The following CDK13 variants were observed in gnomAD, a reference collection of about 807,000 sequenced individuals.
CDK13 encodes cyclin dependent kinase 13.
A neutral mutation model predicts 137.6 loss-of-function variants in CDK13; 40 were observed. The ratio of observed to expected loss-of-function variants is 0.29; its 90% CI spans 0.23 to 0.38. The LOEUF (loss-of-function observed/expected upper bound fraction) is 0.38, where lower values mean the gene tolerates loss of function less well. CDK13 is among the 10% of genes least tolerant of loss of function. The pLI is 1.00. For synonymous variants in CDK13, 869 were observed against 760.1 expected, an observed-to-expected ratio of 1.14 and a Z score of -2.36; for missense variants, 1,704 against 1,951.8, an observed-to-expected ratio of 0.87 and a Z score of 2.39.
intron 1 of CDK13, among the ~76,000 whole-genome samples, chr7:39,959,001 G>A (rs974635765): frequency 2.6e-5 from 4 of 152,078 alleles, no homozygotes; most frequent in Non-Finnish European, 2.9e-5. Flanking sequence ...ATGTTGGCCA[G>A]GCTGATCTTG....
At chr7:39,987,110 C>G (rs780517162) in intron 1 of CDK13, 1 of 152,288 alleles carries the variant, frequency 6.6e-6, no homozygotes, top group African/African-American at 2.4e-5. Flanking sequence ...TTAAAACTAT[C>G]TTTCTGAAAC....
At chr7:39,983,244 C>G (rs1345236241) in intron 1 of CDK13, among the ~76,000 whole-genome samples, 1 of 152,112 alleles carries the variant, frequency 6.6e-6, no homozygotes, top group Non-Finnish European at 1.5e-5. Context: ...ATATGGCTAG[C>G]CAGTTTTCCC....
intron 9 of CDK13, among the ~76,000 whole-genome samples, chr7:40,076,255 AAAC>A (rs1400033431): frequency 3.3e-5 from 5 of 152,212 alleles, no homozygotes; most frequent in Non-Finnish European, 7.3e-5. Context: ...AGAGACCTGT[AAAC>A]AACTAAAATA....
At chr7:40,026,475 T>C (rs1453073995) in intron 5 of CDK13, among the ~76,000 whole-genome samples, 1 of 152,356 alleles carries the variant, frequency 6.6e-6, no homozygotes, top group East Asian at 1.9e-4. Context: ...ATTGCAGCAC[T>C]GCACTCCAGC....
chr7:40,074,395 T>C (rs1584073159), intron 9 of CDK13, among the ~76,000 whole-genome samples: 1 of 151,800 alleles, frequency 6.6e-6, no homozygotes, highest in Non-Finnish European at 1.5e-5. Context: ...TGGTGGCAGG[T>C]GCTTGTAGTC....
chr7:40,066,972 A>G (rs1170744070), intron 9 of CDK13: 1 of 151,922 alleles, frequency 6.6e-6, no homozygotes, highest in Non-Finnish European at 1.5e-5. Context: ...GTTAAACCCA[A>G]CCAGCCAACT....
At chr7:40,002,633 A>G (rs1784707000) in intron 5 of CDK13, among the ~76,000 whole-genome samples, 1 of 152,160 alleles carries the variant, frequency 6.6e-6, no homozygotes, top group Non-Finnish European at 1.5e-5. Flanking sequence ...AATCTTCATA[A>G]AATCTTAAAT....
At chr7:40,031,331 G>A (rs1163178692) in intron 5 of CDK13, among the ~76,000 whole-genome samples, 2 of 152,074 alleles carry the variant, frequency 1.3e-5, no homozygotes, top group East Asian at 1.9e-4. Flanking sequence ...AGACCAGCCC[G>A]GCCAACATGG....
Position 39,956,684 on chromosome 7 carries a change from C to T in CDK13, c.1211+4832C>T, listed in dbSNP as rs186805346. ...CTCACAGCAGCTTCGAACTCCTGGG[C>T]CCAGAGGATCCTCCTGCTTCAGCCT... On this transcript the variant is annotated intron_variant, in intron 1 of 13. Transcript: ENST00000181839. Among the ~76,000 whole-genome samples, 16 of 152,212 alleles carry T rather than the reference C, an allele frequency of 1.1e-4. No individual in the cohort carries two copies. The East Asian group carries it at 3.1e-3, about 29-fold the overall frequency.
At chr7:40,027,210 T>A (rs2150501552) in intron 5 of CDK13, among the ~76,000 whole-genome samples, 1 of 152,238 alleles carries the variant, frequency 6.6e-6, no homozygotes, top group African/African-American at 2.4e-5. Context: ...CTGGACGTGG[T>A]GGCGTGTGCC....
intron 3 of CDK13, 57 bp downstream of exon 3, chr7:39,997,721 A>C: frequency 7.6e-7 from 1 of 1,312,766 alleles, no homozygotes; most frequent in Non-Finnish European, 1.1e-6. Context: ...CTGGGTCATC[A>C]GAAGTTCATA....
chr7:40,008,640 T>C (rs534292087), intron 5 of CDK13, among the ~76,000 whole-genome samples: 48 of 152,336 alleles, frequency 3.2e-4, no homozygotes, highest in African/African-American at 1.0e-3. Context: ...CAGGGAGCTT[T>C]GCTAAGGAGT....
At chr7:40,024,645 GTTTT>G (rs58010602) in intron 5 of CDK13, among the ~76,000 whole-genome samples, 7,672 of 50,540 alleles carry the variant, frequency 0.15, 511 homozygotes, top group Admixed American at 0.22. Context: ...GTAGCTCTGT[GTTTT>G]TTTTTTTTTT....
chr7:39,996,963 AAAAAAAAAAAAAAG>A (rs1202262437), intron 2 of CDK13, among the ~76,000 whole-genome samples: 2 of 79,408 alleles, frequency 2.5e-5, no homozygotes, highest in South Asian at 3.9e-4. Context: ...TTCCATCTCA[AAAAAAAAAAAAAAG>A]AAAAAAAAAA....
chr7:39,969,508 T>C (rs1340859178), intron 1 of CDK13, among the ~76,000 whole-genome samples: 1 of 152,222 alleles, frequency 6.6e-6, no homozygotes, highest in Non-Finnish European at 1.5e-5. Flanking sequence ...CTTTTGTTTT[T>C]GTTTCTCTTG....
intron 5 of CDK13, among the ~76,000 whole-genome samples, chr7:40,023,690 G>A (rs533044822): frequency 6.6e-5 from 10 of 151,922 alleles, no homozygotes; most frequent in Non-Finnish European, 1.3e-4. Flanking sequence ...TAATAGAGAC[G>A]GGGTTTCACC....
At chr7:39,981,386 T>C (rs532954786) in intron 1 of CDK13, among the ~76,000 whole-genome samples, 1 of 136,180 alleles carries the variant, frequency 7.3e-6, no homozygotes, top group Non-Finnish European at 1.5e-5. Flanking sequence ...AAAAAAAAAT[T>C]ATCTATTAAA....
intron 5 of CDK13, among the ~76,000 whole-genome samples, chr7:40,006,588 C>T (rs1166001997): frequency 2.0e-5 from 3 of 152,024 alleles, no homozygotes; most frequent in South Asian, 2.1e-4. Flanking sequence ...CTGAGGCGGG[C>T]GGATCACCAG....
At chr7:39,968,596 G>A (rs1583920945) in intron 1 of CDK13, among the ~76,000 whole-genome samples, 1 of 152,118 alleles carries the variant, frequency 6.6e-6, no homozygotes, top group African/African-American at 2.4e-5. Context: ...TGGCTACTTT[G>A]CCAAAAATCA....
Sources: gnomAD v4.1 joint callset for allele counts (sites outside exome capture counted in the v4.1 genomes callset) on GRCh38, gnomAD v4.1.1 for gene constraint, MANE v1.5 for transcripts, NCBI Gene and HGNC (gene_info 2026-07-23, HGNC 2026-07-21) for gene names.